The following GPR161 variants were observed in gnomAD, a reference collection of about 807,000 sequenced individuals.
GPR161 encodes the protein G protein-coupled receptor 161, also known as G-protein coupled receptor RE2.
A neutral mutation model predicts 39.2 loss-of-function variants in GPR161; 25 were observed. That is an observed-to-expected ratio of 0.64 (90% CI 0.47 to 0.89). GPR161 has a LOEUF of 0.89. Ranked by LOEUF, GPR161 falls within the 40% of genes least tolerant of loss-of-function variation. The probability of loss-of-function intolerance (pLI) is 0.00; values close to 1 mark genes in which losing one functional copy is unlikely to be tolerated. For synonymous variants in GPR161, 286 were observed against 276.6 expected, an observed-to-expected ratio of 1.03 and a Z score of -0.34; for missense variants, 547 against 677.8, an observed-to-expected ratio of 0.81 and a Z score of 2.14.
At chr1:168,104,325 G>A (rs1696383749) in intron 2 of GPR161, 152 bp downstream of exon 2, 2 of 616,188 alleles carry the variant, frequency 3.2e-6, no homozygotes, top group Non-Finnish European at 5.8e-6. Flanking sequence ...TTTGGTTGAA[G>A]AGATGGCTCC....
At chr1:168,102,265 G>A (rs1696175220) in intron 2 of GPR161, among the ~76,000 whole-genome samples, 1 of 152,178 alleles carries the variant, frequency 6.6e-6, no homozygotes. Flanking sequence ...TATCCTACTT[G>A]CTGTTTAGGA....
At chr1:168,128,635 A>C (rs1204239782) in intron 1 of GPR161, among the ~76,000 whole-genome samples, 1 of 152,256 alleles carries the variant, frequency 6.6e-6, no homozygotes, top group African/African-American at 2.4e-5. Flanking sequence ...AGCTGTGCTG[A>C]GAACAAGACT....
Position 168,085,266 on chromosome 1 carries a change from G to GT in GPR161, c.*264_*265insA, listed in dbSNP as rs1359944278. 5.6e-5 allele frequency: 30 copies of GT among 532,968 alleles called. No homozygotes were observed. The highest frequency in any genetic ancestry group is 5.3e-4 in the African/African-American group (26 of 48,656). The allele number at this position is 532,968 out of a possible 1,614,324, so 33.0% of individuals were successfully genotyped here. Reference sequence around the variant, plus strand: ...CAGCCACATCTCTAGATTTTTTTTTGGTTTTTTTTTTGCTTTAGATGCTTC... The same window carrying GT: ...CAGCCACATCTCTAGATTTTTTTTTGTGTTTTTTTTTTGCTTTAGATGCTTC... On this transcript the variant is annotated 3_prime_UTR_variant, in exon 6 of 6. Coordinates refer to ENST00000682931, the MANE Select transcript of GPR161 (RefSeq NM_001375883.1).
At position 168,096,156 on chromosome 1, in the gene GPR161, AAAAAG is replaced by A. The variant is rs1258565656; in HGVS notation, c.1099+347_1099+351del. 4.7e-3 allele frequency among the ~76,000 whole-genome samples: 711 copies of A among 150,292 alleles called. 13 individuals carry two copies. Among genetic ancestry groups the A allele is most frequent in the African/African-American group, 0.017 (667 of 40,358 alleles). ...CTCAAAAAAAAAAAAAAAAAAAAAA[AAAAAG>A]AGAGAGAGAACTAACTATACACACT... On this transcript the variant is annotated intron_variant, in intron 3 of 5. Coordinates refer to ENST00000682931, the MANE Select transcript of GPR161 (RefSeq NM_001375883.1).
chr1:168,130,728 T>C (rs928523922), intron 1 of GPR161, among the ~76,000 whole-genome samples: 1 of 152,200 alleles, frequency 6.6e-6, no homozygotes, highest in African/African-American at 2.4e-5. Context: ...TCCAGATTCA[T>C]ATCCACCCAC....
intron 1 of GPR161, among the ~76,000 whole-genome samples, chr1:168,106,972 G>A (rs550392475): frequency 2.0e-4 from 31 of 152,034 alleles, no homozygotes; most frequent in Non-Finnish European, 3.4e-4. Context: ...ATTAATTAAC[G>A]TCTCAAAGTT....
intron 1 of GPR161, among the ~76,000 whole-genome samples, chr1:168,109,928 T>G (rs562262944): frequency 2.2e-4 from 34 of 152,268 alleles, no homozygotes; most frequent in African/African-American, 7.9e-4. Context: ...ATCGCACCAC[T>G]GCACTCCAGC....
At chr1:168,137,253 G>A, upstream of GPR161, 1 of 1,487,306 alleles carries the variant, frequency 6.7e-7, no homozygotes, top group Non-Finnish European at 8.9e-7. Flanking sequence ...CCCAGTTCCA[G>A]CCGCTGGGAC....
chr1:168,097,274 G>T (rs1429909388), intron 2 of GPR161, 42 bp from the exon 3 acceptor site: 2 of 1,568,570 alleles, frequency 1.3e-6, no homozygotes, highest in Admixed American at 3.6e-5. Flanking sequence ...GAAGTCAGCG[G>T]AGAGAGAAAA....
At position 168,082,339 on chromosome 1, in the gene GPR161, C is replaced by G. The variant is rs796083902; in HGVS notation, c.*3192G>C. 6.6e-6 allele frequency: 1 copy of G among 152,186 alleles called. No homozygotes were observed. Among genetic ancestry groups the G allele is most frequent in the Non-Finnish European group, 1.5e-5 (1 of 68,062 alleles). 9.4% of individuals were successfully genotyped at this position (152,186 alleles called of 1,614,324 possible). The stretch of plus-strand genomic sequence containing the variant: ...TTGGTCACCAAGGCCGTGGACTACA[C>G]GATAAGGGCAAAGGAATTCAAAACA... On this transcript the variant is annotated 3_prime_UTR_variant, in exon 6 of 6. Transcript: ENST00000682931.
chr1:168,106,624 A>G (rs1696651356), intron 1 of GPR161, among the ~76,000 whole-genome samples: 1 of 152,198 alleles, frequency 6.6e-6, no homozygotes, highest in Admixed American at 6.5e-5. Context: ...TGTTGGGCTT[A>G]TATAAGTGTG....
chr1:168,080,648 C>T lies in GPR161; in HGVS notation c.*4883G>A, dbSNP rs1346116726. The T allele has an allele frequency of 1.3e-5, 2 of 152,252 alleles. No homozygotes were observed. The highest frequency in any genetic ancestry group is 4.8e-5 in the African/African-American group (2 of 41,450). 9.4% of individuals were successfully genotyped at this position (152,252 alleles called of 1,614,324 possible). On this transcript the variant is annotated 3_prime_UTR_variant, in exon 6 of 6. Transcript: ENST00000682931. The stretch of plus-strand genomic sequence containing the variant: ...CAAGAGCCACAGCCAGGCAGTCACT[C>T]TGTCACTACAGGACAGAGCTGTCCT...
In GPR161 at chr1:168,085,487, C is replaced by T. The variant is rs369965998; in HGVS notation, c.*44G>A. On this transcript the variant is annotated 3_prime_UTR_variant, in exon 6 of 6. Coordinates refer to ENST00000682931, the MANE Select transcript of GPR161 (RefSeq NM_001375883.1). ...ACAGGCGGTGATGGGAACTCCTCCC[C>T]GGGCCAGCCTCTCAGGCTGCAGCCC... 6.1e-5 allele frequency: 96 copies of T among 1,572,538 alleles called. No individual in the cohort carries two copies. The highest frequency in any genetic ancestry group is 1.4e-4 in the South Asian group (12 of 86,860).
chr1:168,091,594 A>G (rs1695073232), intron 3 of GPR161, among the ~76,000 whole-genome samples: 1 of 152,072 alleles, frequency 6.6e-6, no homozygotes, highest in Non-Finnish European at 1.5e-5. Flanking sequence ...TCGTTATTAG[A>G]GGTGAAGGGG....
At chr1:168,131,786 A>T (rs2102265471) in intron 1 of GPR161, among the ~76,000 whole-genome samples, 1 of 152,312 alleles carries the variant, frequency 6.6e-6, no homozygotes, top group East Asian at 1.9e-4. Flanking sequence ...GGGGAAGAAG[A>T]CATAAAGATG....
chr1:168,128,205 AG>A (rs1698728129), intron 1 of GPR161, among the ~76,000 whole-genome samples: 1 of 152,182 alleles, frequency 6.6e-6, no homozygotes, highest in Non-Finnish European at 1.5e-5. Context: ...ATCAGTGAAA[AG>A]AATGAGGTTA....
In GPR161 at chr1:168,084,734, C is replaced by G; in HGVS notation, c.*797G>C. On this transcript the variant is annotated 3_prime_UTR_variant, in exon 6 of 6. Coordinates refer to ENST00000682931, the MANE Select transcript of GPR161 (RefSeq NM_001375883.1). ...CTGTGCTTGGCACTACAGTCCCATT[C>G]AGTCCGGTAAAACAGTGGTACGTCT... 2.3e-6 allele frequency: 1 copy of G among 437,630 alleles called. No homozygotes were observed. Among genetic ancestry groups the G allele is most frequent in the African/African-American group, 2.0e-5 (1 of 49,216 alleles). 27.1% of individuals were successfully genotyped at this position (437,630 alleles called of 1,614,324 possible).
At chr1:168,119,248 A>ATATATGTATACATG (rs1558129902) in intron 1 of GPR161, among the ~76,000 whole-genome samples, 5 of 115,544 alleles carry the variant, frequency 4.3e-5, no homozygotes, top group African/African-American at 2.0e-4. Flanking sequence ...ATATACACAT[A>ATATATGTATACATG]TATATATACG....
rs746097063 is a variant in GPR161, at chr1:168,084,972, G to A, written c.*559C>T. Reference sequence around the variant, plus strand: ...CCGCTCCGAAGCGCTCTGCTCCTGGGTGCTTTCTCTGCGGACCAGTCCTAG... The same window carrying A: ...CCGCTCCGAAGCGCTCTGCTCCTGGATGCTTTCTCTGCGGACCAGTCCTAG... On this transcript the variant is annotated 3_prime_UTR_variant, in exon 6 of 6. Transcript: ENST00000682931. The A allele has an allele frequency of 4.4e-6, 2 of 456,320 alleles. No homozygotes were observed. Among genetic ancestry groups the A allele is most frequent in the South Asian group, 3.1e-5 (2 of 64,572 alleles). 28.3% of individuals were successfully genotyped at this position (456,320 alleles called of 1,614,324 possible). A position where few individuals can be genotyped will look rare whatever the true frequency, so the allele number is the denominator to read the frequency against.
Sources: allele counts gnomAD v4.1 joint callset (sites outside exome capture counted in the v4.1 genomes callset), GRCh38; gene constraint gnomAD v4.1.1; transcripts MANE v1.5; gene names NCBI Gene and HGNC (gene_info 2026-07-23, HGNC 2026-07-21).